NFIL3: variants seen among roughly 807,000 people sequenced by gnomAD.
The protein encoded by NFIL3 is nuclear factor, interleukin 3 regulated.
In NFIL3, 5 loss-of-function variants were observed where a neutral mutation model predicts 10.0. That is an observed-to-expected ratio of 0.50 (90% CI 0.26 to 1.06). The LOEUF (loss-of-function observed/expected upper bound fraction) is 1.06. Ranked by LOEUF, NFIL3 falls within the 50% of genes least tolerant of loss-of-function variation. NFIL3 has a pLI of 0.13. For synonymous variants in NFIL3, 202 were observed against 206.5 expected (o/e 0.98, Z 0.19); for missense variants, 436 against 547.6 (o/e 0.80, Z 2.03).
chr9:91,475,600 G>A, the NFIL3 span, among the ~76,000 whole-genome samples: 4 of 152,252 alleles, frequency 2.6e-5, no homozygotes, highest in South Asian at 2.1e-4. Flanking sequence ...GCTAAAAAAA[G>A]ATTAATACAA....
At chr9:91,457,386 T>C in the NFIL3 span, among the ~76,000 whole-genome samples, 1 of 152,042 alleles carries the variant, frequency 6.6e-6, no homozygotes, top group Non-Finnish European at 1.5e-5. Context: ...CTGTTATCGC[T>C]GTTATTTATT....
chr9:91,482,056 G>A, the NFIL3 span, among the ~76,000 whole-genome samples: 1 of 152,112 alleles, frequency 6.6e-6, no homozygotes, highest in African/African-American at 2.4e-5. Flanking sequence ...CTTTGCCCGT[G>A]GGAACAGGAA....
the NFIL3 span, among the ~76,000 whole-genome samples, chr9:91,437,934 T>C: frequency 3.5e-3 from 529 of 152,352 alleles, 1 homozygote; most frequent in Non-Finnish European, 5.7e-3. Flanking sequence ...GTTGTTTCCA[T>C]ATCTTGGCTA....
At chr9:91,434,048 T>C in the NFIL3 span, among the ~76,000 whole-genome samples, 4 of 152,242 alleles carry the variant, frequency 2.6e-5, no homozygotes, top group Admixed American at 2.6e-4. Context: ...AAGATGATGA[T>C]TACCCCCAAA....
chr9:91,410,798 C>A lies in NFIL3; in HGVS notation c.-64G>T, dbSNP rs1049070489. The A allele has an allele frequency of 4.8e-6, 7 of 1,466,552 alleles. No homozygotes were observed. The highest frequency in any genetic ancestry group is 6.4e-6 in the Non-Finnish European group (7 of 1,098,372). The allele number at this position is 1,466,552 out of a possible 1,614,324, so 90.8% of individuals were successfully genotyped here. A position where few individuals can be genotyped will look rare whatever the true frequency, so the allele number is the denominator to read the frequency against. On this transcript the variant is annotated 5_prime_UTR_variant, in exon 2 of 2. Coordinates refer to ENST00000297689, the MANE Select transcript of NFIL3 (RefSeq NM_005384.3). This position sits in a 1 kb window ranked among gnomAD's most constrained non-coding sequence, Gnocchi z 5.7. The stretch of plus-strand genomic sequence containing the variant: ...AAATTAATTTCCCCGTATTCTCAAG[C>A]TCTTTAAAAACTCTGGTTTAAAATC...
the NFIL3 span, among the ~76,000 whole-genome samples, chr9:91,473,354 G>A: frequency 8.5e-5 from 13 of 152,202 alleles, no homozygotes; most frequent in Non-Finnish European, 4.4e-5. Flanking sequence ...AGCTGTGGTG[G>A]GCTCCACCCA....
At chr9:91,483,490 G>A in the NFIL3 span, among the ~76,000 whole-genome samples, 1 of 152,136 alleles carries the variant, frequency 6.6e-6, no homozygotes, top group Non-Finnish European at 1.5e-5. Context: ...ATGAGGACAC[G>A]AGGAACTGGC....
At chr9:91,466,272 A>G in the NFIL3 span, among the ~76,000 whole-genome samples, 3 of 152,198 alleles carry the variant, frequency 2.0e-5, no homozygotes, top group African/African-American at 2.4e-5. Flanking sequence ...CTCCAGCCAG[A>G]GTACTAACAA....
At chr9:91,450,462 A>G in the NFIL3 span, among the ~76,000 whole-genome samples, 2 of 152,228 alleles carry the variant, frequency 1.3e-5, no homozygotes, top group East Asian at 3.9e-4. Flanking sequence ...TTTTTGACCC[A>G]TTGGTTATAT....
chr9:91,479,457 C>T, the NFIL3 span, among the ~76,000 whole-genome samples: 1 of 152,136 alleles, frequency 6.6e-6, no homozygotes, highest in African/African-American at 2.4e-5. Flanking sequence ...AGGAGAAAAC[C>T]GCCTACTCAA....
the NFIL3 span, among the ~76,000 whole-genome samples, chr9:91,458,395 T>C: frequency 2.6e-5 from 4 of 152,126 alleles, no homozygotes; most frequent in East Asian, 7.7e-4. Context: ...AGTTTGTCCA[T>C]TTTTGTCTAA....
the NFIL3 span, among the ~76,000 whole-genome samples, chr9:91,434,371 A>T: frequency 6.6e-6 from 1 of 152,202 alleles, no homozygotes; most frequent in Non-Finnish European, 1.5e-5. Context: ...AAAAAAATGG[A>T]TGCTAAGTGT....
At chr9:91,462,224 C>T in the NFIL3 span, among the ~76,000 whole-genome samples, 1 of 151,994 alleles carries the variant, frequency 6.6e-6, no homozygotes, top group African/African-American at 2.4e-5. Context: ...TCTTAATGCA[C>T]CTGCTATGAC....
the NFIL3 span, among the ~76,000 whole-genome samples, chr9:91,450,557 G>A: frequency 6.6e-6 from 1 of 152,094 alleles, no homozygotes; most frequent in Non-Finnish European, 1.5e-5. Context: ...TATTATAGTT[G>A]GAGAAGATGC....
the NFIL3 span, among the ~76,000 whole-genome samples, chr9:91,458,065 T>G: frequency 6.6e-6 from 1 of 152,090 alleles, no homozygotes; most frequent in African/African-American, 2.4e-5. Flanking sequence ...TTAGATTTAT[T>G]TAGAATTTTT....
chr9:91,475,824 T>A, the NFIL3 span, among the ~76,000 whole-genome samples: 2 of 152,226 alleles, frequency 1.3e-5, no homozygotes, highest in Admixed American at 1.3e-4. Flanking sequence ...TTAAATGAAT[T>A]TTCCAGTAAA....
At chr9:91,425,190 T>C (rs1442870756), upstream of NFIL3, among the ~76,000 whole-genome samples, 1 of 152,210 alleles carries the variant, frequency 6.6e-6, no homozygotes, top group Non-Finnish European at 1.5e-5. Flanking sequence ...CCACTTCTTT[T>C]TGCTCCTTTC....
chr9:91,440,800 T>C, the NFIL3 span, among the ~76,000 whole-genome samples: 20,285 of 152,120 alleles, frequency 0.13, 1,500 homozygotes, highest in East Asian at 0.34. Flanking sequence ...TTTCCACATA[T>C]GTGTGAGTTT....
the NFIL3 span, among the ~76,000 whole-genome samples, chr9:91,440,820 T>A: frequency 6.6e-6 from 1 of 152,136 alleles, no homozygotes; most frequent in South Asian, 2.1e-4. Flanking sequence ...TTTCAAGATA[T>A]CTTCTGTTAT....
Sources: allele counts gnomAD v4.1 joint callset (sites outside exome capture counted in the v4.1 genomes callset), GRCh38; gene constraint gnomAD v4.1.1; non-coding constraint Gnocchi (gnomAD v3.1); transcripts MANE v1.5; gene names NCBI Gene and HGNC (gene_info 2026-07-23, HGNC 2026-07-21).